Variants in SULF1 observed in about 807,000 individuals in gnomAD.
SULF1 encodes sulfatase 1.
In SULF1, 46 loss-of-function variants were observed where a neutral mutation model predicts 110.5. That is an observed-to-expected ratio of 0.42 (90% CI 0.33 to 0.53). SULF1 has a LOEUF of 0.53. Among genes scored for constraint, SULF1 ranks in the 20% least tolerant of loss-of-function variants. The pLI, the probability that SULF1 is intolerant of heterozygous loss-of-function variation, is 0.12. For missense variants in SULF1, 941 were observed against 1,094.2 expected (o/e 0.86, Z 1.98); for synonymous variants, 371 against 387.1 (o/e 0.96, Z 0.49).
intron 5 of SULF1, 96 bp from the exon 6 acceptor site, chr8:69,575,874 G>A (rs1805574259): frequency 4.9e-6 from 7 of 1,443,270 alleles, no homozygotes; most frequent in Non-Finnish European, 6.5e-6. Flanking sequence ...GAAAGGAAAT[G>A]AATAAGTCAG....
At chr8:69,612,094 A>C (rs944226956) in intron 13 of SULF1, among the ~76,000 whole-genome samples, 2 of 152,128 alleles carry the variant, frequency 1.3e-5, no homozygotes, top group African/African-American at 4.8e-5. Context: ...GTGAGAAAAT[A>C]AAATATTTGG....
chr8:69,627,285 T>C lies in SULF1; in HGVS notation c.1926T>C (p.His642=). The C allele has an allele frequency of 6.2e-7, 1 of 1,613,996 alleles. No individual in the cohort carries two copies. Among genetic ancestry groups the C allele is most frequent in the Non-Finnish European group, 8.5e-7 (1 of 1,179,856 alleles). ...LYQSARAWKD[H]KAYIDKEIEA... ...AATCGGCCAGAGCGTGGAAGGACCA[T>C]AAGGCATACATTGACAAAGAGGTTA... The change falls in exon 16 of 23, where the codon CAT becomes CAC. Residue 642 remains histidine, a synonymous_variant. Coordinates refer to ENST00000402687, the MANE Select transcript of SULF1 (RefSeq NM_001128205.2).
At chr8:69,551,123 T>C (rs1814677807) in intron 3 of SULF1, among the ~76,000 whole-genome samples, 1 of 152,266 alleles carries the variant, frequency 6.6e-6, no homozygotes, top group Non-Finnish European at 1.5e-5. Flanking sequence ...GATTGGCAGA[T>C]ACGGCTGAAC....
intron 5 of SULF1, among the ~76,000 whole-genome samples, chr8:69,569,234 T>C (rs1285373638): frequency 6.6e-6 from 1 of 152,228 alleles, no homozygotes; most frequent in African/African-American, 2.4e-5. Flanking sequence ...CATGGAGATA[T>C]TTTGTTTCTT....
intron 13 of SULF1, among the ~76,000 whole-genome samples, chr8:69,615,292 T>C (rs1207327077): frequency 2.0e-5 from 3 of 152,260 alleles, no homozygotes; most frequent in African/African-American, 7.2e-5. Context: ...TGCTTCCCTC[T>C]ATAAACTCTC....
intron 3 of SULF1, among the ~76,000 whole-genome samples, chr8:69,559,581 G>T (rs1454419931): frequency 6.6e-6 from 1 of 152,146 alleles, no homozygotes; most frequent in African/African-American, 2.4e-5. Context: ...GAAATGATAG[G>T]CTCATTTCAT....
chr8:69,565,587 T>C (rs1233801354), intron 5 of SULF1, among the ~76,000 whole-genome samples: 1 of 152,158 alleles, frequency 6.6e-6, no homozygotes, highest in Non-Finnish European at 1.5e-5. Context: ...TCCCAGTTTT[T>C]CCCTCACCGG....
rs116911993 is a variant in SULF1, at chr8:69,629,245, A to G, written c.2109-259A>G. Among the ~76,000 whole-genome samples the G allele has an allele frequency of 2.6e-3, 399 of 152,148 alleles. 1 individual carries two copies. The highest frequency in any genetic ancestry group is 8.9e-3 in the East Asian group (46 of 5,164). ...GACAGGGTTTCACCGTGTTGGCCAAACTGATCTCAAACTCGTGACCTCAAG... is the reference window on the plus strand; with the variant it reads ...GACAGGGTTTCACCGTGTTGGCCAAGCTGATCTCAAACTCGTGACCTCAAG... On this transcript the variant is annotated intron_variant, in intron 18 of 22. Coordinates refer to ENST00000402687, the MANE Select transcript of SULF1 (RefSeq NM_001128205.2).
chr8:69,486,268 T>C (rs1809702524), intron 1 of SULF1, among the ~76,000 whole-genome samples: 2 of 152,172 alleles, frequency 1.3e-5, no homozygotes. Context: ...CTTTCAGATT[T>C]TGTAATTCCT....
chr8:69,480,558 T>C (rs939886476), intron 1 of SULF1, among the ~76,000 whole-genome samples: 1 of 152,200 alleles, frequency 6.6e-6, no homozygotes, highest in Non-Finnish European at 1.5e-5. Flanking sequence ...GCAATATTCT[T>C]CATAGCTTAA....
intron 2 of SULF1, among the ~76,000 whole-genome samples, chr8:69,497,763 A>G (rs1810468879): frequency 6.6e-6 from 1 of 152,190 alleles, no homozygotes; most frequent in African/African-American, 2.4e-5. Flanking sequence ...CAACGGGGAC[A>G]ACCAAGAGAG....
chr8:69,551,293 C>A (rs1405972679), intron 3 of SULF1, among the ~76,000 whole-genome samples: 1 of 152,194 alleles, frequency 6.6e-6, no homozygotes, highest in Non-Finnish European at 1.5e-5. Context: ...ACATAACAAA[C>A]TCCAGCATTG....
intron 1 of SULF1, among the ~76,000 whole-genome samples, chr8:69,479,265 C>A (rs1809421694): frequency 6.6e-6 from 1 of 152,162 alleles, no homozygotes; most frequent in Non-Finnish European, 1.5e-5. Context: ...GAGATTGTGA[C>A]AATTCTGTTT....
chr8:69,488,980 T>C, upstream of SULF1, among the ~76,000 whole-genome samples: 1 of 152,070 alleles, frequency 6.6e-6, no homozygotes, highest in East Asian at 1.9e-4. Context: ...GAAGACCTGG[T>C]GGAGTGAGGC....
At chr8:69,472,121 C>G (rs1179698326) in intron 1 of SULF1, among the ~76,000 whole-genome samples, 7 of 152,018 alleles carry the variant, frequency 4.6e-5, no homozygotes, top group Non-Finnish European at 7.4e-5. Flanking sequence ...AGAAATGAAG[C>G]ATGAAGCCCT....
rs200784672 is a variant in SULF1 at position 69,638,453 on chromosome 8, G to C, written c.2285-49G>C. The C allele has an allele frequency of 3.3e-4, 523 of 1,591,998 alleles. 1 individual carries two copies. The highest frequency in any genetic ancestry group is 1.6e-4 in the Non-Finnish European group (183 of 1,173,594). ...ACACTGGAATGGCAAGCCTGCCTAA[G>C]GTTTTTCACTCTTTTTGTTTTGTTG... On this transcript the variant is annotated intron_variant, in intron 19 of 22. Transcript: ENST00000402687.
chr8:69,479,866 A>G (rs917631415), intron 1 of SULF1, among the ~76,000 whole-genome samples: 9 of 152,176 alleles, frequency 5.9e-5, no homozygotes, highest in Non-Finnish European at 8.8e-5. Context: ...AAATGAGTTC[A>G]TGTGTCCACT....
At chr8:69,658,391 T>C (rs1459939396) in intron 22 of SULF1, 114 bp from the exon 23 acceptor site, 3 of 743,198 alleles carry the variant, frequency 4.0e-6, no homozygotes, top group East Asian at 5.0e-5. Flanking sequence ...GAAAATGCTT[T>C]TGAGTGTCAT....
At chr8:69,546,443 C>T (rs903267860) in intron 3 of SULF1, among the ~76,000 whole-genome samples, 7 of 152,264 alleles carry the variant, frequency 4.6e-5, no homozygotes, top group Non-Finnish European at 7.4e-5. Flanking sequence ...GCCCTCTCCC[C>T]GTGAGTCCTA....
Sources: gnomAD v4.1 joint callset for allele counts (sites outside exome capture counted in the v4.1 genomes callset) on GRCh38, gnomAD v4.1.1 for gene constraint, MANE v1.5 for transcripts, NCBI Gene and HGNC (gene_info 2026-07-23, HGNC 2026-07-21) for gene names.